TMEM117: variants seen among roughly 807,000 people sequenced by gnomAD.
TMEM117 encodes the protein transmembrane protein 117.
TMEM117 carries 27 observed loss-of-function variants against 52.4 expected under a neutral mutation model. The ratio of observed to expected loss-of-function variants is 0.51; its 90% CI spans 0.38 to 0.71. TMEM117 has a LOEUF of 0.71. TMEM117 is among the 30% of genes least tolerant of loss of function. TMEM117 has a pLI of 0.00. For missense variants in TMEM117, 556 were observed against 630.5 expected (o/e 0.88, Z 1.26); for synonymous variants, 215 against 206.3 (o/e 1.04, Z -0.36).
chr12:44,175,584 A>G (rs546135553), intron 4 of TMEM117, among the ~76,000 whole-genome samples: 1 of 152,338 alleles, frequency 6.6e-6, no homozygotes, highest in South Asian at 2.1e-4. Context: ...ACAGATGATT[A>G]TAGAGGTTAT....
At chr12:44,382,784 A>C (rs2138864732) in intron 7 of TMEM117, among the ~76,000 whole-genome samples, 1 of 152,300 alleles carries the variant, frequency 6.6e-6, no homozygotes, top group Non-Finnish European at 1.5e-5. Context: ...TACTTTGATA[A>C]CTCAAATAAT....
chr12:43,870,206 T>C (rs2137424692), intron 2 of TMEM117, among the ~76,000 whole-genome samples: 1 of 152,172 alleles, frequency 6.6e-6, no homozygotes, highest in Admixed American at 6.5e-5. Context: ...CCTTTGCTTT[T>C]GTGAATAGTG....
intron 3 of TMEM117, among the ~76,000 whole-genome samples, chr12:44,130,549 T>C (rs2138165963): frequency 6.6e-6 from 1 of 152,288 alleles, no homozygotes; most frequent in East Asian, 1.9e-4. Flanking sequence ...TTCTTTTCTG[T>C]GACAGTTTCT....
At chr12:43,917,968 T>A (rs933459930) in intron 2 of TMEM117, among the ~76,000 whole-genome samples, 8 of 152,186 alleles carry the variant, frequency 5.3e-5, no homozygotes, top group Non-Finnish European at 1.0e-4. Flanking sequence ...TGAGTCATCT[T>A]TACTAGTTTG....
intron 6 of TMEM117, among the ~76,000 whole-genome samples, chr12:44,356,468 A>G (rs1418495172): frequency 6.6e-6 from 1 of 152,058 alleles, no homozygotes; most frequent in African/African-American, 2.4e-5. Flanking sequence ...CCTTTGAACT[A>G]TTTTGTTCTG....
chr12:44,231,269 CATA>C (rs1949929180), intron 5 of TMEM117, among the ~76,000 whole-genome samples: 1 of 151,818 alleles, frequency 6.6e-6, no homozygotes, highest in South Asian at 2.1e-4. Context: ...TTTTTTCACT[CATA>C]ATAATGTTTG....
chr12:44,285,017 G>C (rs543472637), intron 5 of TMEM117, among the ~76,000 whole-genome samples: 56 of 152,300 alleles, frequency 3.7e-4, no homozygotes, highest in Middle Eastern at 3.4e-3. Context: ...TTTATATGGA[G>C]ATTGCCAATG....
At chr12:44,141,511 A>T (rs1466889084) in intron 3 of TMEM117, among the ~76,000 whole-genome samples, 1 of 152,146 alleles carries the variant, frequency 6.6e-6, no homozygotes, top group African/African-American at 2.4e-5. Context: ...TTTAGATAGT[A>T]AAATAAAAGA....
At chr12:44,012,276 C>T (rs1373354862) in intron 3 of TMEM117, among the ~76,000 whole-genome samples, 1 of 151,554 alleles carries the variant, frequency 6.6e-6, no homozygotes, top group Non-Finnish European at 1.5e-5. Flanking sequence ...GTGTTATGTG[C>T]TTTTTTTGGT....
At position 44,380,679 on chromosome 12, in the gene TMEM117, T is replaced by C. The variant is rs150779880; in HGVS notation, c.898+3955T>C. Among the ~76,000 whole-genome samples, 661 of 152,300 alleles carry C rather than the reference T, an allele frequency of 4.3e-3. 3 individuals carry two copies. The highest frequency in any genetic ancestry group is 0.015 in the African/African-American group (617 of 41,560). The stretch of plus-strand genomic sequence containing the variant: ...TTGTTGTGAGAATTAAATTAATATA[T>C]GTAAGGCACTTATGACGCTGCCTGC... On this transcript the variant is annotated intron_variant, in intron 7 of 7. Transcript: ENST00000266534.
chr12:43,847,494 C>T (rs77161382), intron 2 of TMEM117, among the ~76,000 whole-genome samples: 5,693 of 152,126 alleles, frequency 0.037, 266 homozygotes, highest in African/African-American at 0.1. Flanking sequence ...AGGAAGTGGT[C>T]AAGGTTTGGA....
At chr12:43,921,139 C>G (rs1944686991) in intron 2 of TMEM117, among the ~76,000 whole-genome samples, 1 of 152,068 alleles carries the variant, frequency 6.6e-6, no homozygotes. Flanking sequence ...TTCTTTGGTA[C>G]TTTTCTTACT....
chr12:44,319,491 C>A (rs1198709522), intron 6 of TMEM117, among the ~76,000 whole-genome samples: 1 of 152,146 alleles, frequency 6.6e-6, no homozygotes, highest in Non-Finnish European at 1.5e-5. Context: ...GCTTGCCCAC[C>A]TTCTCCTCCC....
intron 2 of TMEM117, among the ~76,000 whole-genome samples, chr12:43,897,559 C>A (rs575901037): frequency 1.9e-4 from 29 of 152,062 alleles, no homozygotes; most frequent in African/African-American, 7.0e-4. Flanking sequence ...GTGATCCGCC[C>A]GCCTCAGCCT....
chr12:43,936,765 C>T (rs988736555), intron 2 of TMEM117, among the ~76,000 whole-genome samples: 23 of 151,996 alleles, frequency 1.5e-4, no homozygotes, highest in Admixed American at 9.2e-4. Flanking sequence ...ATATTTATTC[C>T]GGATTTGGGA....
At chr12:44,253,698 A>G (rs1373776756) in intron 5 of TMEM117, among the ~76,000 whole-genome samples, 2 of 152,098 alleles carry the variant, frequency 1.3e-5, no homozygotes, top group African/African-American at 2.4e-5. Context: ...ATTGTTATCC[A>G]TGCTTTACAC....
intron 2 of TMEM117, among the ~76,000 whole-genome samples, chr12:43,854,460 A>G (rs1234154646): frequency 6.6e-6 from 1 of 151,970 alleles, no homozygotes; most frequent in Non-Finnish European, 1.5e-5. Flanking sequence ...GAAAAAAAAA[A>G]AAAGTCCATA....
intron 3 of TMEM117, among the ~76,000 whole-genome samples, chr12:43,991,912 A>G (rs1310310358): frequency 6.6e-6 from 1 of 152,070 alleles, no homozygotes; most frequent in East Asian, 1.9e-4. Flanking sequence ...AACTTAATGC[A>G]AGTTTGGGAG....
chr12:43,924,801 G>A (rs1944751972), intron 2 of TMEM117, among the ~76,000 whole-genome samples: 1 of 152,156 alleles, frequency 6.6e-6, no homozygotes, highest in African/African-American at 2.4e-5. Context: ...CCAAAACTCA[G>A]TGGCTTAAAA....
Sources: allele counts gnomAD v4.1 joint callset (sites outside exome capture counted in the v4.1 genomes callset), GRCh38; gene constraint gnomAD v4.1.1; transcripts MANE v1.5; gene names NCBI Gene and HGNC (gene_info 2026-07-23, HGNC 2026-07-21).